The following GATAD2A variants were observed in gnomAD, a reference collection of about 807,000 sequenced individuals.
GATAD2A encodes GATA zinc finger domain containing 2A, also known as transcriptional repressor p66-alpha.
Under a neutral mutation model 68.5 loss-of-function variants are expected in GATAD2A, and 12 were observed. The ratio of observed to expected loss-of-function variants is 0.18; its 90% confidence interval spans 0.11 to 0.28. The LOEUF (loss-of-function observed/expected upper bound fraction) is 0.28. GATAD2A is among the 10% of genes least tolerant of loss of function. The pLI is 1.00. For synonymous variants in GATAD2A, 410 were observed against 375.3 expected (o/e 1.09, Z -1.07); for missense variants, 755 against 868.5 (o/e 0.87, Z 1.64).
chr19:19,405,578 T>C (rs1424606223), upstream of GATAD2A, among the ~76,000 whole-genome samples: 1 of 151,550 alleles, frequency 6.6e-6, no homozygotes, highest in Non-Finnish European at 1.5e-5. Context: ...GGCGGTACCG[T>C]CCGGCCCCGC....
chr19:19,501,087 C>CT, intron 8 of GATAD2A, 31 bp from the exon 9 acceptor site: 1 of 1,589,170 alleles, frequency 6.3e-7, no homozygotes, highest in Non-Finnish European at 8.6e-7. Context: ...TCCTGGCCCT[C>CT]TGACGTGAGC....
chr19:19,445,737 T>C (rs1687102597), intron 1 of GATAD2A, among the ~76,000 whole-genome samples: 1 of 152,254 alleles, frequency 6.6e-6, no homozygotes, highest in African/African-American at 2.4e-5. Flanking sequence ...AGTCACATTG[T>C]GTCAGAGTTT....
At chr19:19,402,550 A>T (rs1375802888), upstream of GATAD2A, 15 of 150,084 alleles carry the variant, frequency 1.0e-4, no homozygotes, top group Non-Finnish European at 2.2e-4. Flanking sequence ...TTAGCTGGGC[A>T]TGGTGGCGCA....
intron 5 of GATAD2A, 69 bp downstream of exon 5, chr19:19,494,452 G>A (rs1371710924): frequency 2.0e-6 from 2 of 1,015,330 alleles, no homozygotes; most frequent in East Asian, 2.5e-5. Flanking sequence ...AGGCTCCTCG[G>A]GCTCCCAAAC....
chr19:19,385,913 C>T (rs1052038720), exon 1 of GATAD2A: 21 of 149,428 alleles, frequency 1.4e-4, no homozygotes, highest in Admixed American at 1.4e-3. Context: ...CGCCCAGGGT[C>T]AGCGCCCCGG....
intron 1 of GATAD2A, among the ~76,000 whole-genome samples, chr19:19,429,465 C>T (rs922274008): frequency 1.2e-4 from 18 of 152,052 alleles, no homozygotes; most frequent in East Asian, 3.9e-4. Flanking sequence ...AGCGCACTTG[C>T]GGCTGAAGTG....
In GATAD2A at chr19:19,501,419, G is replaced by T; in HGVS notation, c.1503+3G>T. Reference sequence around the variant, plus strand: ...CCCCACACCCCGTGCTGAAGCAGGTGAGCCTGGCCTGCTGCCGGCAGTGCC... The same window carrying T: ...CCCCACACCCCGTGCTGAAGCAGGTTAGCCTGGCCTGCTGCCGGCAGTGCC... On this transcript the variant is annotated splice_donor_region_variant and intron_variant, in intron 9 of 11. Coordinates refer to ENST00000683918, the MANE Select transcript of GATAD2A (RefSeq NM_001384528.1). 6.3e-7 allele frequency: 1 copy of T among 1,582,810 alleles called. No individual in the cohort carries two copies.
At chr19:19,471,962 C>T (rs747972464) in intron 2 of GATAD2A, among the ~76,000 whole-genome samples, 174 of 152,164 alleles carry the variant, frequency 1.1e-3, no homozygotes, top group South Asian at 2.7e-3. Flanking sequence ...GTGGTGCAGT[C>T]GTAGCTCACT....
upstream of GATAD2A, chr19:19,402,699 A>G (rs1374755547): frequency 3.3e-5 from 5 of 151,108 alleles, no homozygotes; most frequent in African/African-American, 1.2e-4. Context: ...TTAAAAAAAA[A>G]AAGAAAAAAA....
At chr19:19,484,625 C>T (rs569173163) in intron 2 of GATAD2A, among the ~76,000 whole-genome samples, 18 of 151,214 alleles carry the variant, frequency 1.2e-4, no homozygotes, top group African/African-American at 2.9e-4. Flanking sequence ...CTCTGCCCCC[C>T]GGGGTTCATG....
At chr19:19,430,664 C>T (rs2053618511) in intron 1 of GATAD2A, among the ~76,000 whole-genome samples, 1 of 152,146 alleles carries the variant, frequency 6.6e-6, no homozygotes, top group Non-Finnish European at 1.5e-5. Flanking sequence ...CCTGGTAGAG[C>T]CCATGCTTCC....
intron 1 of GATAD2A, chr19:19,436,109 C>G (rs2054309606): frequency 7.7e-7 from 1 of 1,306,668 alleles, no homozygotes; most frequent in Non-Finnish European, 1.0e-6. Flanking sequence ...CACAGTGTTT[C>G]TTTCTCTGTC....
chr19:19,473,962 C>A, intron 2 of GATAD2A: 1 of 781,364 alleles, frequency 1.3e-6, no homozygotes, highest in Non-Finnish European at 1.6e-6. Flanking sequence ...ACAAAAACAA[C>A]ACATATTAAC....
rs534404105 is a variant in GATAD2A, at chr19:19,452,499, G to C, written c.-6-12841G>C. ...TGAACTGCATCAGCCTCTCAACCAG[G>C]CAGAAGGCTTAGAGAATCCATGTCA... On this transcript the variant is annotated intron_variant, in intron 1 of 11. Coordinates refer to ENST00000683918, the MANE Select transcript of GATAD2A (RefSeq NM_001384528.1). Among the ~76,000 whole-genome samples, 3 of 152,192 alleles carry C rather than the reference G, an allele frequency of 2.0e-5. No homozygotes were observed. In the South Asian group the frequency reaches 6.2e-4, roughly 32 times the overall value.
chr19:19,433,434 C>T (rs117868357), intron 1 of GATAD2A, among the ~76,000 whole-genome samples: 2,476 of 152,206 alleles, frequency 0.016, 79 homozygotes, highest in South Asian at 0.085. Context: ...GTTGCACTTC[C>T]GTGTAGATTT....
rs570745431 is a variant in GATAD2A at position 19,501,358 on chromosome 19, C to T, written c.1445C>T (p.Thr482Met). The T allele has an allele frequency of 8.1e-6, 13 of 1,611,386 alleles. No homozygotes were observed. The highest frequency in any genetic ancestry group is 1.7e-4 in the Middle Eastern group (1 of 6,034). ...GAGCAGCGGCTCCTGCAGCAGGGCA[C>T]GGCCCCTGCACAGGCCAAGGCCGAG... ...EIEQRLLQQG[T>M]APAQAKAEPT... Residue 482 changes from threonine (T) to methionine (M), a missense_variant, in exon 9 of 12, where the codon ACG becomes ATG. Transcript: ENST00000683918.
chr19:19,465,140 A>AC (rs2057766531), intron 1 of GATAD2A, among the ~76,000 whole-genome samples, 200 bp from the exon 2 acceptor site: 1 of 152,244 alleles, frequency 6.6e-6, no homozygotes, highest in South Asian at 2.1e-4. Flanking sequence ...GGCTGGGGAC[A>AC]CCCCCCTCCT....
rs2060296787 is a variant in GATAD2A, at chr19:19,498,457, A to C, written c.939A>C (p.Ser313=). The change falls in exon 8 of 12, where the codon TCA becomes TCC. Residue 313 remains serine (S), a synonymous_variant. Transcript: ENST00000683918. ...LVNIPQPTPA[S]LKGTTATSAQ... is the part of the protein sequence containing the mutation. Reference sequence around the variant, plus strand: ...GTCTCCCAAAGCCCACCCCAGCATCACTGAAGGGGACAACAGCCACCTCCG... The same window carrying C: ...GTCTCCCAAAGCCCACCCCAGCATCCCTGAAGGGGACAACAGCCACCTCCG... The C allele has an allele frequency of 6.2e-7, 1 of 1,603,714 alleles. No individual in the cohort carries two copies. Among genetic ancestry groups the C allele is most frequent in the Non-Finnish European group, 8.5e-7 (1 of 1,171,472 alleles).
intron 1 of GATAD2A, among the ~76,000 whole-genome samples, chr19:19,411,560 C>A (rs1333094507): frequency 1.3e-5 from 2 of 152,202 alleles, no homozygotes; most frequent in Non-Finnish European, 2.9e-5. Flanking sequence ...ACTTGCCTTT[C>A]AGACTGACAG....
Sources: allele counts gnomAD v4.1 joint callset (sites outside exome capture counted in the v4.1 genomes callset), GRCh38; gene constraint gnomAD v4.1.1; transcripts MANE v1.5; gene names NCBI Gene and HGNC (gene_info 2026-07-23, HGNC 2026-07-21).